Variants in GRM7 observed in about 807,000 individuals in gnomAD.
GRM7 encodes the protein glutamate metabotropic receptor 7, also known as metabotropic glutamate receptor 7.
Under a neutral mutation model 84.5 loss-of-function variants are expected in GRM7, and 35 were observed. The observed-to-expected ratio is 0.41, with a 90% CI of 0.32 to 0.55. The LOEUF is 0.55. Among genes scored for constraint, GRM7 ranks in the 20% least tolerant of loss-of-function variants. The pLI, the probability that GRM7 is intolerant of heterozygous loss-of-function variation, is 0.19. For synonymous variants in GRM7, 487 were observed against 455.1 expected, an observed-to-expected ratio of 1.07 and a Z score of -0.89; for missense variants, 1,003 against 1,194.6, an observed-to-expected ratio of 0.84 and a Z score of 2.36.
At chr3:7,598,945 AG>A (rs973516776) in intron 8 of GRM7, among the ~76,000 whole-genome samples, 2 of 152,206 alleles carry the variant, frequency 1.3e-5, no homozygotes, top group Admixed American at 1.3e-4. Flanking sequence ...ATGAGACCAA[AG>A]GGCAAGGATA....
chr3:7,689,377 G>GTAAC (rs958681924), intron 9 of GRM7, among the ~76,000 whole-genome samples: 4 of 152,150 alleles, frequency 2.6e-5, no homozygotes, highest in African/African-American at 9.7e-5. Flanking sequence ...TATCTCTGCT[G>GTAAC]TAACTGGAGA....
chr3:7,612,341 G>T (rs1010289755), intron 8 of GRM7, among the ~76,000 whole-genome samples: 2 of 152,124 alleles, frequency 1.3e-5, no homozygotes, highest in Admixed American at 6.6e-5. Flanking sequence ...GTCATAAAGT[G>T]CTTAAAACCA....
rs544756362 is a variant in GRM7 at position 7,406,368 on chromosome 3, C to T, written c.1034-8655C>T. 4.0e-5 allele frequency among the ~76,000 whole-genome samples: 6 copies of T among 151,796 alleles called. No individual in the cohort carries two copies. The East Asian group carries it at 5.8e-4, about 15-fold the overall frequency. On this transcript the variant is annotated intron_variant, in intron 4 of 9. Coordinates refer to ENST00000357716, the MANE Select transcript of GRM7 (RefSeq NM_000844.4). ...ACAAAAAATTAGCCAGGCATAGTGG[C>T]GGGCGCCTGTAATCCCAGCTACTCC...
intron 1 of GRM7, among the ~76,000 whole-genome samples, chr3:7,068,994 G>T (rs1697767606): frequency 6.6e-6 from 1 of 151,556 alleles, no homozygotes; most frequent in South Asian, 2.1e-4. Flanking sequence ...CTATGAGGTA[G>T]ATAAGTGGGT....
chr3:7,174,572 AGTT>A (rs1212408553), intron 2 of GRM7, among the ~76,000 whole-genome samples: 2 of 152,200 alleles, frequency 1.3e-5, no homozygotes, highest in East Asian at 1.9e-4. Context: ...GTTTATTTCT[AGTT>A]GTTGTCCAAT....
intron 4 of GRM7, among the ~76,000 whole-genome samples, chr3:7,396,051 T>A (rs961758751): frequency 6.6e-6 from 1 of 152,156 alleles, no homozygotes; most frequent in Admixed American, 6.6e-5. Flanking sequence ...CCAATTTTTT[T>A]AAATTGAAAA....
chr3:7,068,802 C>T (rs1697760388), intron 1 of GRM7, among the ~76,000 whole-genome samples: 1 of 151,720 alleles, frequency 6.6e-6, no homozygotes, highest in South Asian at 2.1e-4. Flanking sequence ...TGTGAAAAAC[C>T]CAGTATAAGC....
intron 2 of GRM7, among the ~76,000 whole-genome samples, chr3:7,198,586 A>AAGATAGGCTAAT (rs1695959407): frequency 6.6e-6 from 1 of 152,228 alleles, no homozygotes; most frequent in Non-Finnish European, 1.5e-5. Context: ...ACCATACATT[A>AAGATAGGCTAAT]GCCTAGCCTA....
intron 2 of GRM7, among the ~76,000 whole-genome samples, chr3:7,251,318 C>A: frequency 6.6e-6 from 1 of 151,590 alleles, no homozygotes; most frequent in African/African-American, 2.4e-5. Flanking sequence ...AAAAAATGTA[C>A]TAGGCTAGGA....
chr3:7,352,325 A>G (rs552751426), intron 4 of GRM7, among the ~76,000 whole-genome samples: 14 of 152,220 alleles, frequency 9.2e-5, no homozygotes, highest in African/African-American at 2.6e-4. Flanking sequence ...GACTCTATAC[A>G]TGGCATTTTT....
At chr3:6,950,051 C>T (rs1692670680) in intron 1 of GRM7, among the ~76,000 whole-genome samples, 1 of 152,220 alleles carries the variant, frequency 6.6e-6, no homozygotes, top group Non-Finnish European at 1.5e-5. Context: ...CTTCCTCTCT[C>T]AACTCATCAA....
At chr3:7,004,989 G>T (rs1240860671) in intron 1 of GRM7, among the ~76,000 whole-genome samples, 2 of 152,156 alleles carry the variant, frequency 1.3e-5, no homozygotes, top group Non-Finnish European at 2.9e-5. Flanking sequence ...GCCAGGCACA[G>T]CACCCTCTAC....
At chr3:7,335,810 C>T (rs1241644352) in intron 4 of GRM7, among the ~76,000 whole-genome samples, 4 of 151,716 alleles carry the variant, frequency 2.6e-5, no homozygotes, top group African/African-American at 9.7e-5. Flanking sequence ...ACCTAGAGGA[C>T]ATAGATACAT....
intron 1 of GRM7, among the ~76,000 whole-genome samples, chr3:6,951,542 C>T (rs999297226): frequency 6.6e-6 from 1 of 151,986 alleles, no homozygotes; most frequent in African/African-American, 2.4e-5. Flanking sequence ...TTCTTTGATT[C>T]CTAGGTTATT....
intron 1 of GRM7, among the ~76,000 whole-genome samples, chr3:6,979,534 G>A (rs111817403): frequency 3.3e-5 from 5 of 150,502 alleles, no homozygotes; most frequent in African/African-American, 1.3e-4. Context: ...TTTATTAACA[G>A]CTAAAAAAGT....
At chr3:7,687,090 C>T (rs1700616687) in intron 9 of GRM7, among the ~76,000 whole-genome samples, 1 of 18,074 alleles carries the variant, frequency 5.5e-5, no homozygotes, top group Admixed American at 5.1e-4. Flanking sequence ...ACTGAACCAA[C>T]TTTAGTCATC....
In GRM7 at chr3:7,677,262, T is replaced by TAA. The variant is rs557488794; in HGVS notation, c.2452-2756_2452-2755dup. On this transcript the variant is annotated intron_variant, in intron 8 of 9. Transcript: ENST00000357716. Reference sequence around the variant, plus strand: ...GGGCAATAGAGGGAGACTCTGTCTTTAAAAAAAAAAAAAAAAAAAAAAAAA... The same window carrying TAA: ...GGGCAATAGAGGGAGACTCTGTCTTTAAAAAAAAAAAAAAAAAAAAAAAAAAA... 4.1e-3 allele frequency among the ~76,000 whole-genome samples: 150 copies of TAA among 36,634 alleles called. 2 individuals are homozygous for TAA. The highest frequency in any genetic ancestry group is 9.2e-3 in the African/African-American group (102 of 11,060). The allele number at this position is 36,634 out of a possible 152,430, so 24.0% of individuals were successfully genotyped here. A position where few individuals can be genotyped will look rare whatever the true frequency, so the allele number is the denominator to read the frequency against.
chr3:7,458,609 G>A (rs908730449), intron 6 of GRM7, among the ~76,000 whole-genome samples: 1 of 152,112 alleles, frequency 6.6e-6, no homozygotes, highest in Non-Finnish European at 1.5e-5. Context: ...TGGAAAGGGC[G>A]TGACAAGACC....
chr3:7,045,886 A>T (rs1696789048), intron 1 of GRM7, among the ~76,000 whole-genome samples: 5 of 152,106 alleles, frequency 3.3e-5, no homozygotes, highest in Admixed American at 2.0e-4. Flanking sequence ...TTTTCTATGG[A>T]TATATACCCA....
Sources: allele counts gnomAD v4.1 joint callset (sites outside exome capture counted in the v4.1 genomes callset), GRCh38; gene constraint gnomAD v4.1.1; transcripts MANE v1.5; gene names NCBI Gene and HGNC (gene_info 2026-07-23, HGNC 2026-07-21).